CDH13: variants seen among roughly 807,000 people sequenced by gnomAD.
CDH13 encodes the protein cadherin-13.
A neutral mutation model predicts 63.8 loss-of-function variants in CDH13; 24 were observed. The ratio of observed to expected loss-of-function variants is 0.38; its 90% CI spans 0.27 to 0.53. CDH13 has a LOEUF of 0.53. Among genes scored for constraint, CDH13 ranks in the 20% least tolerant of loss-of-function variants. The pLI is 0.85. For synonymous variants in CDH13, 503 were observed against 355.3 expected (o/e 1.42, Z -4.67); for missense variants, 1,049 against 903.1 (o/e 1.16, Z -2.07).
chr16:83,517,479 C>G (rs1032751327), intron 7 of CDH13, among the ~76,000 whole-genome samples: 2 of 152,214 alleles, frequency 1.3e-5, no homozygotes, highest in Admixed American at 6.5e-5. Context: ...ATGTGGAGCA[C>G]TGGCCTCCTT....
intron 1 of CDH13, among the ~76,000 whole-genome samples, chr16:82,719,044 G>A (rs971069630): frequency 3.3e-5 from 5 of 152,256 alleles, no homozygotes; most frequent in Admixed American, 3.3e-4. Context: ...TCACACTGAG[G>A]TCAATATCTC....
chr16:83,372,749 TAAA>T (rs35480546), intron 6 of CDH13, among the ~76,000 whole-genome samples: 29 of 95,564 alleles, frequency 3.0e-4, no homozygotes, highest in Non-Finnish European at 4.7e-4. Context: ...AGACTCGGTC[TAAA>T]AAAAAAAAAA....
intron 3 of CDH13, among the ~76,000 whole-genome samples, chr16:83,073,882 AT>A (rs943370494): frequency 5.9e-5 from 9 of 152,014 alleles, no homozygotes; most frequent in African/African-American, 2.2e-4. Context: ...ATTTTTACAT[AT>A]TTTTAGGATA....
intron 2 of CDH13, among the ~76,000 whole-genome samples, chr16:82,989,388 C>G (rs1911366701): frequency 6.6e-6 from 1 of 152,186 alleles, no homozygotes; most frequent in South Asian, 2.1e-4. Flanking sequence ...GCTGTTCTGC[C>G]TTTGACATGG....
chr16:83,424,500 G>T (rs1028088449), intron 6 of CDH13, among the ~76,000 whole-genome samples: 3 of 152,090 alleles, frequency 2.0e-5, no homozygotes, highest in African/African-American at 7.2e-5. Flanking sequence ...AGCCTCTCTT[G>T]ATTATTTTTT....
chr16:82,997,094 G>C (rs901902232), intron 2 of CDH13, among the ~76,000 whole-genome samples: 1 of 151,516 alleles, frequency 6.6e-6, no homozygotes, highest in Non-Finnish European at 1.5e-5. Context: ...CGGTGGTGAT[G>C]ATGGTGATGG....
intron 6 of CDH13, among the ~76,000 whole-genome samples, chr16:83,390,700 A>G (rs1308836128): frequency 1.3e-5 from 2 of 152,206 alleles, no homozygotes; most frequent in Non-Finnish European, 2.9e-5. Context: ...TGCTCAGGGA[A>G]GTTAAGAAAA....
intron 2 of CDH13, among the ~76,000 whole-genome samples, chr16:83,009,545 C>A (rs1913902031): frequency 2.0e-5 from 3 of 152,078 alleles, no homozygotes; most frequent in Admixed American, 1.3e-4. Flanking sequence ...TCAGAGATAC[C>A]CTGCAAAGTC....
At chr16:83,038,926 G>A (rs1183560975) in intron 3 of CDH13, among the ~76,000 whole-genome samples, 2 of 152,218 alleles carry the variant, frequency 1.3e-5, no homozygotes, top group Non-Finnish European at 2.9e-5. Flanking sequence ...GATGAAGTCA[G>A]GTTGGGAAGT....
At chr16:83,238,492 G>T (rs1904283933) in intron 5 of CDH13, among the ~76,000 whole-genome samples, 1 of 152,196 alleles carries the variant, frequency 6.6e-6, no homozygotes, top group South Asian at 2.1e-4. Flanking sequence ...TACAATTCAA[G>T]ATGAGATTTG....
intron 5 of CDH13, among the ~76,000 whole-genome samples, chr16:83,254,767 C>G (rs754885565): frequency 2.6e-5 from 4 of 152,180 alleles, no homozygotes; most frequent in Non-Finnish European, 5.9e-5. Flanking sequence ...CAATTTCAGA[C>G]TCCCTAGCTT....
At chr16:83,711,886 A>T (rs143700695) in intron 10 of CDH13, among the ~76,000 whole-genome samples, 503 of 152,382 alleles carry the variant, frequency 3.3e-3, no homozygotes, top group Middle Eastern at 0.01. Context: ...AAAGTACCAT[A>T]GACTGAGCAG....
At chr16:82,672,263 A>AAGAGTCAAATG (rs1273805567) in intron 1 of CDH13, among the ~76,000 whole-genome samples, 2 of 152,226 alleles carry the variant, frequency 1.3e-5, no homozygotes, top group Non-Finnish European at 2.9e-5. Flanking sequence ...CAACTGATAT[A>AAGAGTCAAATG]ATGTATGCAC....
In CDH13 at chr16:83,500,311, TC is replaced by T. The variant is rs748441715; in HGVS notation, c.960+13657del. 8.8e-3 allele frequency among the ~76,000 whole-genome samples: 9 copies of T among 1,024 alleles called. 2 individuals carry two copies. Among genetic ancestry groups the T allele is most frequent in the Admixed American group, 0.033 (1 of 30 alleles). 0.7% of individuals were successfully genotyped at this position (1,024 alleles called of 152,430 possible). On this transcript the variant is annotated intron_variant, in intron 7 of 13. Coordinates refer to ENST00000567109, the MANE Select transcript of CDH13 (RefSeq NM_001257.5). ...TTCTTCTTCTCCTTCTCCTTCTCCTTCTCCTTCTCCTCCTCCTCCTCCTCCT... is the reference window on the plus strand; with the variant it reads ...TTCTTCTTCTCCTTCTCCTTCTCCTTTCCTTCTCCTCCTCCTCCTCCTCCT...
intron 3 of CDH13, among the ~76,000 whole-genome samples, chr16:83,094,235 G>T (rs1404001164): frequency 6.6e-6 from 1 of 152,152 alleles, no homozygotes; most frequent in African/African-American, 2.4e-5. Context: ...AGATATCTGA[G>T]CACTTGTGAC....
intron 4 of CDH13, among the ~76,000 whole-genome samples, chr16:83,159,941 T>G (rs1046480181): frequency 6.6e-6 from 1 of 152,088 alleles, no homozygotes. Flanking sequence ...CCGGGCATGG[T>G]GGTGCATACC....
chr16:82,924,578 A>T (rs559105907), intron 2 of CDH13, among the ~76,000 whole-genome samples: 2 of 152,190 alleles, frequency 1.3e-5, no homozygotes, highest in African/African-American at 4.8e-5. Flanking sequence ...TCTTGAGGTT[A>T]TTCTAGCACC....
chr16:83,522,296 T>C (rs916059528), intron 7 of CDH13, among the ~76,000 whole-genome samples: 30 of 152,244 alleles, frequency 2.0e-4, no homozygotes, highest in Non-Finnish European at 4.3e-4. Flanking sequence ...GCCATTGTTT[T>C]AAAGTCATGT....
At chr16:82,864,513 A>C (rs2151177463) in intron 2 of CDH13, among the ~76,000 whole-genome samples, 1 of 152,254 alleles carries the variant, frequency 6.6e-6, no homozygotes, top group African/African-American at 2.4e-5. Flanking sequence ...AGAAGTGCTG[A>C]GATAAGGGGA....
Sources: allele counts gnomAD v4.1 joint callset (sites outside exome capture counted in the v4.1 genomes callset), GRCh38; gene constraint gnomAD v4.1.1; transcripts MANE v1.5; gene names NCBI Gene and HGNC (gene_info 2026-07-23, HGNC 2026-07-21).